PARD3B: variants seen among roughly 807,000 people sequenced by gnomAD.
The protein encoded by PARD3B is par-3 family cell polarity regulator beta, also known as partitioning defective 3 homolog B.
PARD3B carries 103 observed loss-of-function variants against 130.2 expected under a neutral mutation model. That is an observed-to-expected ratio of 0.79 (90% confidence interval 0.67 to 0.93). PARD3B has a LOEUF of 0.93. PARD3B is among the 40% of genes least tolerant of loss of function. The probability of loss-of-function intolerance (pLI) is 0.00; values close to 1 mark genes in which losing one functional copy is unlikely to be tolerated. For synonymous variants in PARD3B, 583 were observed against 553.2 expected (o/e 1.05, Z -0.76); for missense variants, 1,609 against 1,499.2 (o/e 1.07, Z -1.21).
At chr2:205,154,717 T>C (rs545530081) in intron 10 of PARD3B, among the ~76,000 whole-genome samples, 1 of 152,216 alleles carries the variant, frequency 6.6e-6, no homozygotes, top group South Asian at 2.1e-4. Context: ...TATGCATCCA[T>C]AAAAAAGGAT....
intron 2 of PARD3B, among the ~76,000 whole-genome samples, chr2:204,902,997 T>C (rs1395866182): frequency 6.6e-6 from 1 of 151,880 alleles, no homozygotes; most frequent in Non-Finnish European, 1.5e-5. Context: ...GTAGCAAGAG[T>C]TTCAGAGAGA....
At chr2:204,629,195 A>C (rs1359256384) in intron 1 of PARD3B, among the ~76,000 whole-genome samples, 1 of 152,192 alleles carries the variant, frequency 6.6e-6, no homozygotes, top group African/African-American at 2.4e-5. Context: ...GAATACAATG[A>C]TTTTGAAATC....
intron 18 of PARD3B, among the ~76,000 whole-genome samples, chr2:205,390,593 G>C (rs1047116512): frequency 2.6e-5 from 4 of 152,128 alleles, no homozygotes; most frequent in African/African-American, 9.7e-5. Context: ...ACTGGGTCTG[G>C]AGCCCAATCA....
chr2:205,064,477 G>A (rs75128251), intron 4 of PARD3B, among the ~76,000 whole-genome samples: 2 of 152,152 alleles, frequency 1.3e-5, no homozygotes, highest in Admixed American at 6.6e-5. Flanking sequence ...GGGAAAAAAA[G>A]TCTGATTGGC....
rs191516310 is a variant in PARD3B, at chr2:204,935,261, G to A, written c.223-29891G>A. Reference sequence around the variant, plus strand: ...ATGCAAAAAATAGGCTGTGCGCAGTGGCTCACGCCTGTAATCCCAGCACTT... The same window carrying A: ...ATGCAAAAAATAGGCTGTGCGCAGTAGCTCACGCCTGTAATCCCAGCACTT... On this transcript the variant is annotated intron_variant, in intron 2 of 22. Coordinates refer to ENST00000406610, the MANE Select transcript of PARD3B (RefSeq NM_001302769.2). 5.5e-3 allele frequency among the ~76,000 whole-genome samples: 836 copies of A among 151,322 alleles called. 8 individuals carry two copies. Among genetic ancestry groups the A allele is most frequent in the African/African-American group, 0.019 (773 of 41,252 alleles).
Position 204,678,360 on chromosome 2 carries a change from C to T in PARD3B, c.121-7821C>T, listed in dbSNP as rs2036654008. On this transcript the variant is annotated intron_variant, in intron 1 of 22. Coordinates refer to ENST00000406610, the MANE Select transcript of PARD3B (RefSeq NM_001302769.2). The surrounding 1 kb of genome is among the most constrained non-coding windows in gnomAD (Gnocchi z 4.2). Reference sequence around the variant, plus strand: ...CCTTCAACAGAGAGCTAAGCCTTAACCAGCTCAGTGGAGAGTCAGGGTGAC... The same window carrying T: ...CCTTCAACAGAGAGCTAAGCCTTAATCAGCTCAGTGGAGAGTCAGGGTGAC... Among the ~76,000 whole-genome samples the T allele has an allele frequency of 6.6e-6, 1 of 152,170 alleles. No individual in the cohort carries two copies. Among genetic ancestry groups the T allele is most frequent in the African/African-American group, 2.4e-5 (1 of 41,436 alleles).
chr2:204,676,948 G>T (rs542046612), intron 1 of PARD3B, among the ~76,000 whole-genome samples: 1 of 152,220 alleles, frequency 6.6e-6, no homozygotes, highest in East Asian at 1.9e-4. Flanking sequence ...GATTACAGGC[G>T]TGAGCCACCG....
chr2:205,450,466 C>CTTTTTTTTTTT (rs869229400), intron 20 of PARD3B, among the ~76,000 whole-genome samples: 2 of 78,378 alleles, frequency 2.6e-5, no homozygotes, highest in African/African-American at 5.5e-5. Context: ...AGTGCAGATT[C>CTTTTTTTTTTT]TTTTTTTTTT....
intron 18 of PARD3B, among the ~76,000 whole-genome samples, chr2:205,354,277 C>A (rs1574785541): frequency 6.6e-6 from 1 of 151,564 alleles, no homozygotes; most frequent in East Asian, 1.9e-4. Context: ...CCGCCACTGC[C>A]CCCGTTCAGT....
chr2:205,335,226 T>C (rs1213605081), intron 18 of PARD3B, among the ~76,000 whole-genome samples: 1 of 152,170 alleles, frequency 6.6e-6, no homozygotes, highest in East Asian at 1.9e-4. Flanking sequence ...ACTAAATAAG[T>C]CAATTCCAAA....
intron 2 of PARD3B, among the ~76,000 whole-genome samples, chr2:204,777,301 G>A (rs1047092014): frequency 1.3e-5 from 2 of 152,160 alleles, no homozygotes; most frequent in African/African-American, 4.8e-5. Flanking sequence ...TGTGCCATCT[G>A]GCTAGCACCC....
At chr2:205,508,803 C>T (rs2050476923) in intron 21 of PARD3B, among the ~76,000 whole-genome samples, 1 of 152,136 alleles carries the variant, frequency 6.6e-6, no homozygotes, top group South Asian at 2.1e-4. Flanking sequence ...CATGTCTATA[C>T]ATTGCGTGGG....
chr2:204,555,984 G>T (rs1190702534), intron 1 of PARD3B, among the ~76,000 whole-genome samples: 1 of 151,956 alleles, frequency 6.6e-6, no homozygotes, highest in African/African-American at 2.4e-5. Flanking sequence ...TATTTTAACT[G>T]TATTTCTTGT....
chr2:205,378,336 G>A (rs2045153101), intron 18 of PARD3B, among the ~76,000 whole-genome samples: 2 of 152,134 alleles, frequency 1.3e-5, no homozygotes, highest in Admixed American at 1.3e-4. Context: ...TTGAACAAAG[G>A]GATTCGAGGC....
chr2:205,139,143 G>A (rs1359299642), intron 10 of PARD3B, among the ~76,000 whole-genome samples: 2 of 152,062 alleles, frequency 1.3e-5, no homozygotes, highest in East Asian at 3.9e-4. Context: ...AGCACTCTTG[G>A]CTAAGAGAGA....
chr2:204,935,663 G>A (rs1419975810), intron 2 of PARD3B, among the ~76,000 whole-genome samples: 1 of 151,938 alleles, frequency 6.6e-6, no homozygotes, highest in Non-Finnish European at 1.5e-5. Flanking sequence ...AAAGTATTTT[G>A]TCAAGTATAT....
chr2:205,519,401 T>C (rs2050937012), intron 21 of PARD3B, among the ~76,000 whole-genome samples: 2 of 152,228 alleles, frequency 1.3e-5, no homozygotes, highest in African/African-American at 4.8e-5. Flanking sequence ...GTGAAATTCT[T>C]GTATTGTGTT....
intron 11 of PARD3B, among the ~76,000 whole-genome samples, chr2:205,168,175 A>G (rs903859167): frequency 6.6e-6 from 1 of 151,908 alleles, no homozygotes; most frequent in African/African-American, 2.4e-5. Flanking sequence ...ACTCCTTTCT[A>G]GCTTGAGGAT....
intron 1 of PARD3B, among the ~76,000 whole-genome samples, chr2:204,671,448 C>T (rs898522575): frequency 6.6e-6 from 1 of 152,162 alleles, no homozygotes; most frequent in African/African-American, 2.4e-5. Context: ...GTCTACTTTT[C>T]ATGATACCTG....
Sources: allele counts gnomAD v4.1 joint callset (sites outside exome capture counted in the v4.1 genomes callset), GRCh38; gene constraint gnomAD v4.1.1; non-coding constraint Gnocchi (gnomAD v3.1); transcripts MANE v1.5; gene names NCBI Gene and HGNC (gene_info 2026-07-23, HGNC 2026-07-21).